NFIB: variants seen among roughly 807,000 people sequenced by gnomAD.
NFIB encodes the protein nuclear factor I B.
A neutral mutation model predicts 61.5 loss-of-function variants in NFIB; 11 were observed. That is an observed-to-expected ratio of 0.18 (90% CI 0.11 to 0.30). The LOEUF (loss-of-function observed/expected upper bound fraction) is 0.30. Among genes scored for constraint, NFIB ranks in the 10% least tolerant of loss-of-function variants. NFIB has a pLI of 1.00. For synonymous variants in NFIB, 260 were observed against 216.5 expected (o/e 1.20, Z -1.76); for missense variants, 471 against 608.9 (o/e 0.77, Z 2.38).
chr9:14,186,158 C>T (rs1361984135), intron 2 of NFIB, among the ~76,000 whole-genome samples: 2 of 152,124 alleles, frequency 1.3e-5, no homozygotes, highest in Non-Finnish European at 2.9e-5. Flanking sequence ...TTTTCAGGTC[C>T]CCTGTGGCTC....
At position 14,085,869 on chromosome 9, in the gene NFIB, A is replaced by G. The variant is rs1237048069; in HGVS notation, c.*2440T>C. 1 of 224,052 alleles carries G rather than the reference A, an allele frequency of 4.5e-6. No individual in the cohort carries two copies. Among genetic ancestry groups the G allele is most frequent in the Non-Finnish European group, 8.9e-6 (1 of 112,336 alleles). 13.9% of individuals were successfully genotyped at this position (224,052 alleles called of 1,614,324 possible). ...AGGAGAAAGAATATTCATGTGTTAA[A>G]CTCTCAAAAGTGTTAAACATCCAAC... is the stretch of plus-strand genomic sequence containing the variant. On this transcript the variant is annotated 3_prime_UTR_variant, in exon 11 of 11. Coordinates refer to ENST00000380953, the MANE Select transcript of NFIB (RefSeq NM_001190737.2).
At chr9:14,162,640 C>T (rs1035007064) in intron 3 of NFIB, among the ~76,000 whole-genome samples, 4 of 151,990 alleles carry the variant, frequency 2.6e-5, no homozygotes, top group Non-Finnish European at 5.9e-5. Context: ...TGGAACAAAA[C>T]AAAATATTAT....
chr9:14,192,456 G>A (rs188456838), intron 2 of NFIB, among the ~76,000 whole-genome samples: 8 of 152,078 alleles, frequency 5.3e-5, no homozygotes, highest in Non-Finnish European at 7.4e-5. Context: ...GCCCTGTAAC[G>A]GTAACTTGTC....
At chr9:14,288,258 G>C (rs2058846338) in intron 2 of NFIB, among the ~76,000 whole-genome samples, 1 of 152,018 alleles carries the variant, frequency 6.6e-6, no homozygotes, top group Admixed American at 6.6e-5. Context: ...TTAAGACAAT[G>C]TGTATAGGAC....
rs925397295 is a variant in NFIB, at chr9:14,088,024, G to A, written c.*285C>T. Reference sequence around the variant, plus strand: ...CATCGACCCTTTTTATGTCATTACAGTTTCAACCTTAAGGGAATTAGTGAT... The same window carrying A: ...CATCGACCCTTTTTATGTCATTACAATTTCAACCTTAAGGGAATTAGTGAT... On this transcript the variant is annotated 3_prime_UTR_variant, in exon 11 of 11. Transcript: ENST00000380953. 11 of 496,344 alleles carry A rather than the reference G, an allele frequency of 2.2e-5. No individual in the cohort carries two copies. Among genetic ancestry groups the A allele is most frequent in the Admixed American group, 1.7e-4 (4 of 23,420 alleles). 30.7% of individuals were successfully genotyped at this position (496,344 alleles called of 1,614,324 possible). A position where few individuals can be genotyped will look rare whatever the true frequency, so the allele number is the denominator to read the frequency against.
intron 1 of NFIB, among the ~76,000 whole-genome samples, chr9:14,350,547 G>T (rs764801087): frequency 1.3e-5 from 2 of 152,064 alleles, no homozygotes; most frequent in African/African-American, 4.8e-5. Flanking sequence ...CTAGCTGTTG[G>T]CATGCTCTGA....
chr9:14,479,848 A>G, the NFIB span, among the ~76,000 whole-genome samples: 1 of 152,160 alleles, frequency 6.6e-6, no homozygotes, highest in East Asian at 1.9e-4. Context: ...AAACAAACCA[A>G]CAAAACCCAT....
chr9:14,390,158 GC>G (rs2061602865), intron 1 of NFIB, among the ~76,000 whole-genome samples: 4 of 152,134 alleles, frequency 2.6e-5, no homozygotes, highest in Admixed American at 2.6e-4. Flanking sequence ...GCAGACTGAT[GC>G]CCCCAAAGGA....
At chr9:14,339,178 A>T (rs533288379) in intron 1 of NFIB, among the ~76,000 whole-genome samples, 1 of 152,208 alleles carries the variant, frequency 6.6e-6, no homozygotes, top group Non-Finnish European at 1.5e-5. Context: ...GAACTGAATC[A>T]TGATTTTAGG....
At chr9:14,390,695 T>A (rs938998002) in intron 1 of NFIB, among the ~76,000 whole-genome samples, 1 of 152,230 alleles carries the variant, frequency 6.6e-6, no homozygotes, top group African/African-American at 2.4e-5. Flanking sequence ...AGTGCCTTTT[T>A]AAAAAAGATC....
the NFIB span, among the ~76,000 whole-genome samples, chr9:14,486,226 C>G: frequency 4.6e-5 from 7 of 152,158 alleles, no homozygotes; most frequent in Non-Finnish European, 1.0e-4. Flanking sequence ...GAGGACATAG[C>G]TCCTTATGAA....
At chr9:14,248,609 T>C (rs1419444522) in intron 2 of NFIB, among the ~76,000 whole-genome samples, 3 of 152,078 alleles carry the variant, frequency 2.0e-5, no homozygotes, top group Non-Finnish European at 2.9e-5. Context: ...AATTTTCCTC[T>C]GGGAAGCCAC....
chr9:14,437,807 G>A, the NFIB span, among the ~76,000 whole-genome samples: 5 of 152,120 alleles, frequency 3.3e-5, no homozygotes, highest in South Asian at 8.3e-4. Flanking sequence ...CTCCTGCCTC[G>A]CTGGGGGTAG....
Position 14,313,441 on chromosome 9 carries a change from G to A in NFIB, c.30+41C>T, listed in dbSNP as rs372712998. ...CAACAAAACAAAACAAAGGCATTTC[G>A]GGCCAGAGAGAAAGCTCGAGAAAGC... On this transcript the variant is annotated intron_variant, in intron 1 of 10. Transcript: ENST00000380953. This position sits in a 1 kb window ranked among gnomAD's most constrained non-coding sequence, Gnocchi z 4.5. The A allele has an allele frequency of 1.2e-6, 2 of 1,612,736 alleles. No individual in the cohort carries two copies. The highest frequency in any genetic ancestry group is 1.7e-6 in the Non-Finnish European group (2 of 1,179,282).
chr9:14,161,514 T>C (rs1339007400), intron 3 of NFIB, among the ~76,000 whole-genome samples: 2 of 151,440 alleles, frequency 1.3e-5, no homozygotes, highest in African/African-American at 4.8e-5. Flanking sequence ...TATATATATA[T>C]ATTTATTTAT....
At chr9:14,115,326 T>C (rs2037964856) in intron 9 of NFIB, among the ~76,000 whole-genome samples, 1 of 152,134 alleles carries the variant, frequency 6.6e-6, no homozygotes, top group South Asian at 2.1e-4. Flanking sequence ...GATATCTGTA[T>C]AATTGGTGAG....
intron 2 of NFIB, among the ~76,000 whole-genome samples, chr9:14,262,749 G>A (rs2056881409): frequency 6.6e-6 from 1 of 152,188 alleles, no homozygotes; most frequent in South Asian, 2.1e-4. Context: ...CGCGTCAAGA[G>A]TCACTGGTAA....
the NFIB span, among the ~76,000 whole-genome samples, chr9:14,512,558 A>G: frequency 6.6e-6 from 1 of 152,198 alleles, no homozygotes; most frequent in African/African-American, 2.4e-5. Flanking sequence ...TAAATAATAG[A>G]AGTCTTAACA....
At chr9:14,107,518 G>A (rs1190173027) in intron 10 of NFIB, among the ~76,000 whole-genome samples, 1 of 152,068 alleles carries the variant, frequency 6.6e-6, no homozygotes, top group Non-Finnish European at 1.5e-5. Flanking sequence ...ATTAGAAAAT[G>A]AAAGATTTTG....
Sources: gnomAD v4.1 joint callset for allele counts (sites outside exome capture counted in the v4.1 genomes callset) on GRCh38, gnomAD v4.1.1 for gene constraint, Gnocchi (gnomAD v3.1) non-coding constraint, MANE v1.5 for transcripts, NCBI Gene and HGNC (gene_info 2026-07-23, HGNC 2026-07-21) for gene names.